PHF14: variants seen among roughly 807,000 people sequenced by gnomAD.
PHF14 encodes PHD finger protein 14.
In PHF14, 55 loss-of-function variants were observed where a neutral mutation model predicts 117.9. The ratio of observed to expected loss-of-function variants is 0.47; its 90% CI spans 0.38 to 0.58. The LOEUF (loss-of-function observed/expected upper bound fraction) is 0.58. Ranked by LOEUF, PHF14 falls within the 20% of genes least tolerant of loss-of-function variation. The pLI is 0.00. For synonymous variants in PHF14, 409 were observed against 368.6 expected, an observed-to-expected ratio of 1.11 and a Z score of -1.26; for missense variants, 978 against 1,122.2, an observed-to-expected ratio of 0.87 and a Z score of 1.84.
intron 16 of PHF14, among the ~76,000 whole-genome samples, chr7:11,064,938 T>G (rs1054594649): frequency 4.6e-5 from 7 of 152,080 alleles, no homozygotes; most frequent in Non-Finnish European, 5.9e-5. Flanking sequence ...AACAGTAGTA[T>G]TATTTAGTAA....
In PHF14 at chr7:10,989,201, T is replaced by A. The variant is rs182186843; in HGVS notation, c.901-1502T>A. On this transcript the variant is annotated intron_variant, in intron 3 of 17. Coordinates refer to ENST00000634607, the MANE Select transcript of PHF14 (RefSeq NM_001007157.2). Reference sequence around the variant, plus strand: ...TGATTGTTTTACAAATCTGCCGCAATTTTAGATGTTATACACAAAGTATAT... The same window carrying A: ...TGATTGTTTTACAAATCTGCCGCAAATTTAGATGTTATACACAAAGTATAT... Among the ~76,000 whole-genome samples, 7 of 152,342 alleles carry A rather than the reference T, an allele frequency of 4.6e-5. No individual in the cohort carries two copies. The East Asian group carries it at 1.3e-3, about 29-fold the overall frequency.
chr7:11,054,770 C>T (rs989171369), intron 14 of PHF14, among the ~76,000 whole-genome samples: 3 of 152,066 alleles, frequency 2.0e-5, no homozygotes, highest in African/African-American at 7.2e-5. Flanking sequence ...TCCCAATATC[C>T]TCCTACTTAC....
At chr7:11,164,416 T>C (rs1789141626) in intron 17 of PHF14, among the ~76,000 whole-genome samples, 1 of 152,088 alleles carries the variant, frequency 6.6e-6, no homozygotes, top group Non-Finnish European at 1.5e-5. Context: ...ATCAATAATA[T>C]CAACATTATG....
intron 7 of PHF14, among the ~76,000 whole-genome samples, chr7:11,033,024 T>C (rs1421454613): frequency 6.6e-6 from 1 of 152,212 alleles, no homozygotes; most frequent in African/African-American, 2.4e-5. Flanking sequence ...CATGTGGTAG[T>C]GGTGAAGGTT....
At chr7:10,979,478 G>A (rs1426940918) in intron 2 of PHF14, among the ~76,000 whole-genome samples, 3 of 150,690 alleles carry the variant, frequency 2.0e-5, no homozygotes, top group Non-Finnish European at 4.4e-5. Flanking sequence ...AAGGTTTATT[G>A]TAGACTTGAA....
intron 16 of PHF14, among the ~76,000 whole-genome samples, chr7:11,064,288 G>A (rs1173607875): frequency 6.6e-6 from 1 of 151,794 alleles, no homozygotes; most frequent in East Asian, 1.9e-4. Flanking sequence ...AATTGGCACT[G>A]TTATTGTTTG....
intron 14 of PHF14, chr7:11,061,175 A>G (rs887633515): frequency 2.0e-5 from 3 of 152,298 alleles, no homozygotes; most frequent in East Asian, 3.9e-4. Flanking sequence ...AAACGTTTGT[A>G]TGCGTTCTTT....
At chr7:11,039,218 T>C (rs1421225173) in intron 11 of PHF14, among the ~76,000 whole-genome samples, 1 of 152,140 alleles carries the variant, frequency 6.6e-6, no homozygotes, top group African/African-American at 2.4e-5. Flanking sequence ...TTTTTTTCTT[T>C]CCTGTCCTTA....
intron 16 of PHF14, among the ~76,000 whole-genome samples, chr7:11,076,627 G>T (rs1328005769): frequency 6.7e-6 from 1 of 148,784 alleles, no homozygotes; most frequent in Non-Finnish European, 1.5e-5. Context: ...GAGTGCAGTG[G>T]CGTGATCTCA....
At chr7:11,043,664 G>A (rs2128324313) in intron 13 of PHF14, among the ~76,000 whole-genome samples, 1 of 152,074 alleles carries the variant, frequency 6.6e-6, no homozygotes, top group South Asian at 2.1e-4. Flanking sequence ...ATTTTCACAT[G>A]ATTGCTTTTT....
At chr7:11,168,392 T>G (rs1789272596) in intron 17 of PHF14, among the ~76,000 whole-genome samples, 1 of 152,208 alleles carries the variant, frequency 6.6e-6, no homozygotes, top group Non-Finnish European at 1.5e-5. Flanking sequence ...CTGGCAAGTA[T>G]GTAGTTTGTC....
At chr7:10,989,141 G>C (rs1782354397) in intron 3 of PHF14, among the ~76,000 whole-genome samples, 2 of 152,098 alleles carry the variant, frequency 1.3e-5, no homozygotes, top group African/African-American at 2.4e-5. Context: ...AAAGAGAAAT[G>C]ATACTATATT....
chr7:11,033,655 G>A (rs1486449100), intron 7 of PHF14, among the ~76,000 whole-genome samples: 1 of 152,064 alleles, frequency 6.6e-6, no homozygotes, highest in Non-Finnish European at 1.5e-5. Context: ...AGTAAGTATT[G>A]GTGTTTTTCT....
intron 16 of PHF14, chr7:11,104,212 T>TGGAA: frequency 1.0e-6 from 1 of 984,090 alleles, no homozygotes; most frequent in East Asian, 1.1e-4. Context: ...TTATCATCAT[T>TGGAA]TTCCATCTTG....
intron 5 of PHF14, among the ~76,000 whole-genome samples, chr7:11,017,824 G>T (rs962742627): frequency 6.6e-6 from 1 of 151,972 alleles, no homozygotes; most frequent in Admixed American, 6.6e-5. Context: ...GTGGAGTTTC[G>T]CTCAAGAAAT....
chr7:11,069,539 A>AT (rs71807051), intron 16 of PHF14, among the ~76,000 whole-genome samples: 6 of 150,190 alleles, frequency 4.0e-5, no homozygotes, highest in African/African-American at 7.4e-5. Context: ...TCTTTTATGT[A>AT]TTTTTTTTAA....
chr7:11,094,923 C>CT (rs887596520), intron 16 of PHF14, among the ~76,000 whole-genome samples: 26 of 151,334 alleles, frequency 1.7e-4, no homozygotes, highest in African/African-American at 5.1e-4. Context: ...TGTAGTTTAT[C>CT]TTTTTTTTTC....
At chr7:11,162,547 A>G (rs901564784) in intron 17 of PHF14, among the ~76,000 whole-genome samples, 3 of 151,884 alleles carry the variant, frequency 2.0e-5, no homozygotes, top group Non-Finnish European at 4.4e-5. Flanking sequence ...TCTTTATCCT[A>G]GTTTGCCACT....
chr7:11,036,492 G>A lies in PHF14; in HGVS notation c.1677G>A (p.Trp559Ter). 1 of 1,613,852 alleles carries A rather than the reference G, an allele frequency of 6.2e-7. No homozygotes were observed. Among genetic ancestry groups the A allele is most frequent in the Non-Finnish European group, 8.5e-7 (1 of 1,179,794 alleles). The change falls in exon 9 of 18, where the codon TGG (tryptophan) becomes TGA (stop). Residue 559 changes from tryptophan to a stop codon, truncating the protein, a stop_gained. Transcript: ENST00000634607. LOFTEE classifies it high-confidence loss of function. ...ELARSTRPQA[W>*]VPREKLPRPL... ...CTCGATCTACCAGACCCCAGGCCTGGGTTCCAAGGGAAAAATTGCCCAGAC... is the reference window on the plus strand; with the variant it reads ...CTCGATCTACCAGACCCCAGGCCTGAGTTCCAAGGGAAAAATTGCCCAGAC...
Sources: allele counts gnomAD v4.1 joint callset (sites outside exome capture counted in the v4.1 genomes callset), GRCh38; gene constraint gnomAD v4.1.1; transcripts MANE v1.5; gene names NCBI Gene and HGNC (gene_info 2026-07-23, HGNC 2026-07-21).